DST: variants seen among roughly 807,000 people sequenced by gnomAD.
The protein encoded by DST is bullous pemphigoid antigen.
Under a neutral mutation model 875.2 loss-of-function variants are expected in DST, and 253 were observed. The ratio of observed to expected loss-of-function variants is 0.29; its 90% CI spans 0.26 to 0.32. DST has a LOEUF of 0.32. DST is among the 10% of genes least tolerant of loss of function. The pLI is 1.00. For missense variants in DST, 8,287 were observed against 9,111.6 expected, an observed-to-expected ratio of 0.91 and a Z score of 3.68; for synonymous variants, 3,124 against 3,197.1, an observed-to-expected ratio of 0.98 and a Z score of 0.77.
chr6:56,620,829 A>G, intron 36 of DST: 1 of 929,562 alleles, frequency 1.1e-6, no homozygotes. Context: ...ATGCAGAACA[A>G]GCGCTATCAC....
chr6:56,628,243 A>G (rs1417535026), intron 32 of DST, 82 bp from the exon 33 acceptor site: 3 of 1,269,736 alleles, frequency 2.4e-6, no homozygotes, highest in African/African-American at 2.9e-5. Context: ...GGAGAGACAA[A>G]ATAATTGGAC....
intron 3 of DST, chr6:56,861,897 C>T (rs1267442422): frequency 2.0e-5 from 3 of 152,108 alleles, no homozygotes; most frequent in Non-Finnish European, 4.4e-5. Flanking sequence ...TCATGGAGAC[C>T]GGGGAGTCAG....
At position 56,646,037 on chromosome 6, in the gene DST, A is replaced by G. The variant is rs556604411; in HGVS notation, c.1651-44T>C. Reference sequence around the variant, plus strand: ...TTTAATGTGAAGCAAAAATGAAAACAAAACAAAACAAAGACTATGCTTGAC... The same window carrying G: ...TTTAATGTGAAGCAAAAATGAAAACGAAACAAAACAAAGACTATGCTTGAC... On this transcript the variant is annotated intron_variant, in intron 14 of 103. Transcript: ENST00000680361. The G allele has an allele frequency of 1.2e-5, 19 of 1,594,296 alleles. No homozygotes were observed. In the East Asian group the frequency reaches 4.3e-4, roughly 36 times the overall value.
intron 12 of DST, among the ~76,000 whole-genome samples, chr6:56,650,699 T>G (rs923038255): frequency 4.6e-5 from 7 of 152,320 alleles, no homozygotes; most frequent in Non-Finnish European, 4.4e-5. Flanking sequence ...TAACTATAAA[T>G]AGCCTCTTTT....
At chr6:56,484,902 G>A (rs1535612) in intron 88 of DST, 51,272 of 162,326 alleles carry the variant, frequency 0.32, 8,408 homozygotes, top group Middle Eastern at 0.43. Context: ...ACCACCATGG[G>A]TCATGTCACA....
At chr6:56,795,364 C>A (rs1033695669) in intron 4 of DST, among the ~76,000 whole-genome samples, 5 of 151,776 alleles carry the variant, frequency 3.3e-5, no homozygotes, top group Non-Finnish European at 7.4e-5. Context: ...AGAGGAACTA[C>A]AAATAACAAG....
At chr6:56,842,761 G>C (rs1238383221) in intron 4 of DST, among the ~76,000 whole-genome samples, 2 of 152,136 alleles carry the variant, frequency 1.3e-5, no homozygotes, top group South Asian at 4.1e-4. Context: ...ATGATTACGC[G>C]TAGTGCTTAA....
In DST at chr6:56,526,555, C is replaced by T; in HGVS notation, c.17935G>A (p.Glu5979Lys). 6.2e-7 allele frequency: 1 copy of T among 1,613,306 alleles called. No homozygotes were observed. The highest frequency in any genetic ancestry group is 8.5e-7 in the Non-Finnish European group (1 of 1,179,570). Residue 5979 changes from glutamate to lysine, a missense_variant, in exon 69 of 104, where the codon GAA becomes AAA. By Grantham distance (56) the Glu-to-Lys change is moderately conservative. This residue lies in a region of DST where 777 missense variants were observed against 764.8 expected (regional missense o/e 1.02). Coordinates refer to ENST00000680361, the MANE Select transcript of DST (RefSeq NM_001374736.1). Reference protein sequence around the residue: ...AQMRPKELKKEAKNNKALLDS... With the variant: ...AQMRPKELKKKAKNNKALLDS... ...AGTAAGGCTTTGTTGTTCTTAGCTT[C>T]CTTTTTCAGTTCCTGAAAACATACA...
chr6:56,904,648 A>T (rs1225907194), intron 2 of DST, among the ~76,000 whole-genome samples: 6 of 152,168 alleles, frequency 3.9e-5, no homozygotes, highest in African/African-American at 1.4e-4. Context: ...TATTTCCCTA[A>T]ATAACTGTAA....
Position 56,463,544 on chromosome 6 carries a change from A to C in DST, c.22959+21T>G, listed in dbSNP as rs759502771. On this transcript the variant is annotated intron_variant, in intron 101 of 103. Transcript: ENST00000680361. ...ACATTGATTGCAAAGGTGGAGGAAA[A>C]GTCTTCATCCTGAGTCTTACCTTGG... The C allele has an allele frequency of 7.8e-6, 12 of 1,534,192 alleles. No homozygotes were observed. The South Asian group carries it at 1.4e-4, about 18-fold the overall frequency.
At chr6:56,946,368 A>G (rs763917954) in intron 2 of DST, among the ~76,000 whole-genome samples, 18 of 152,194 alleles carry the variant, frequency 1.2e-4, no homozygotes, top group Non-Finnish European at 1.8e-4. Flanking sequence ...ATTGAGGAAT[A>G]AGTGAGAGGT....
intron 5 of DST, among the ~76,000 whole-genome samples, chr6:56,712,090 C>CAAAAAAAAA (rs34769867): frequency 6.5e-5 from 5 of 76,542 alleles, no homozygotes; most frequent in Admixed American, 4.4e-4. Context: ...GACTCCGTCT[C>CAAAAAAAAA]AAAAAAAAAA....
At chr6:56,952,074 G>A (rs1822653674) in intron 2 of DST, among the ~76,000 whole-genome samples, 1 of 152,022 alleles carries the variant, frequency 6.6e-6, no homozygotes, top group South Asian at 2.1e-4. Flanking sequence ...GAAAGATATG[G>A]TCCTGCCCTC....
intron 8 of DST, 58 bp downstream of exon 8, chr6:56,701,830 A>G (rs2099309256): frequency 1.9e-6 from 2 of 1,069,450 alleles, no homozygotes; most frequent in Non-Finnish European, 2.8e-6. Context: ...ACATGTTTCT[A>G]CGTGGATGTA....
At chr6:56,893,562 C>CTTTTTTTTTTTTTTT (rs1282483681) in intron 3 of DST, among the ~76,000 whole-genome samples, 22 of 35,902 alleles carry the variant, frequency 6.1e-4, no homozygotes, top group South Asian at 2.0e-3. Context: ...ACTTTTAGTT[C>CTTTTTTTTTTTTTTT]TTTTTTTTTT....
chr6:56,596,933 C>G (rs2098395294), intron 47 of DST, among the ~76,000 whole-genome samples: 1 of 152,116 alleles, frequency 6.6e-6, no homozygotes, highest in Non-Finnish European at 1.5e-5. Flanking sequence ...GAGCTGAGCT[C>G]AGAAAGAACT....
intron 53 of DST, among the ~76,000 whole-genome samples, chr6:56,571,476 C>T (rs568577938): frequency 6.6e-6 from 1 of 152,242 alleles, no homozygotes; most frequent in South Asian, 2.1e-4. Flanking sequence ...AATGACTTTT[C>T]TATGTTCTGA....
At chr6:56,624,791 A>C (rs1212443613) in intron 35 of DST, among the ~76,000 whole-genome samples, 163 bp from the exon 36 acceptor site, 1 of 152,154 alleles carries the variant, frequency 6.6e-6, no homozygotes, top group Non-Finnish European at 1.5e-5. Flanking sequence ...CTATTATGCA[A>C]ATCATGGCAA....
rs561999771 is a variant in DST at position 56,871,000 on chromosome 6, T to C, written c.418-19396A>G. 3.9e-5 allele frequency among the ~76,000 whole-genome samples: 6 copies of C among 152,056 alleles called. No individual in the cohort carries two copies. In the South Asian group the frequency reaches 8.3e-4, roughly 21 times the overall value. On this transcript the variant is annotated intron_variant, in intron 3 of 103. Transcript: ENST00000680361. The stretch of plus-strand genomic sequence containing the variant: ...ATTCAGTGAACAAAGAATATGTATA[T>C]ATAAAGAACCCACTCAAATCAGTAA...
Sources: allele counts gnomAD v4.1 joint callset (sites outside exome capture counted in the v4.1 genomes callset), GRCh38; gene constraint gnomAD v4.1.1; regional missense constraint gnomAD v4.1.1; transcripts MANE v1.5; gene names NCBI Gene and HGNC (gene_info 2026-07-23, HGNC 2026-07-21).